The following CLYBL variants were observed in gnomAD, a reference collection of about 807,000 sequenced individuals.
CLYBL encodes citramalyl-CoA lyase.
In CLYBL, 31 loss-of-function variants were observed where a neutral mutation model predicts 38.9. The observed-to-expected ratio is 0.80, with a 90% CI of 0.60 to 1.08. CLYBL has a LOEUF of 1.08. CLYBL is among the 50% of genes least tolerant of loss of function. The pLI, the probability that CLYBL is intolerant of heterozygous loss-of-function variation, is 0.00. For synonymous variants in CLYBL, 171 were observed against 158.6 expected (o/e 1.08, Z -0.59); for missense variants, 434 against 411.6 (o/e 1.05, Z -0.47).
chr13:99,877,059 A>G (rs571629341), intron 7 of CLYBL, among the ~76,000 whole-genome samples: 2 of 152,198 alleles, frequency 1.3e-5, no homozygotes, highest in South Asian at 4.2e-4. Flanking sequence ...CCCACTTCAC[A>G]TCATTAGTTA....
intron 1 of CLYBL, among the ~76,000 whole-genome samples, chr13:99,620,048 CA>C (rs1244727686): frequency 6.6e-6 from 1 of 152,188 alleles, no homozygotes; most frequent in Admixed American, 6.5e-5. Context: ...GAAGGGGCGG[CA>C]CCCTCATGGT....
intron 2 of CLYBL, among the ~76,000 whole-genome samples, chr13:99,829,355 C>A (rs997533314): frequency 2.0e-5 from 3 of 152,188 alleles, no homozygotes; most frequent in Admixed American, 6.5e-5. Context: ...TGAAGGAACA[C>A]GTTAAGACAG....
intron 1 of CLYBL, among the ~76,000 whole-genome samples, chr13:99,614,575 C>T (rs1004798723): frequency 4.6e-5 from 7 of 152,070 alleles, no homozygotes; most frequent in Middle Eastern, 3.4e-3. Context: ...GGTGTAGCTG[C>T]GAGGGAGGTC....
chr13:99,873,364 A>G (rs1309591700), intron 7 of CLYBL, among the ~76,000 whole-genome samples: 1 of 152,234 alleles, frequency 6.6e-6, no homozygotes, highest in African/African-American at 2.4e-5. Context: ...TATTGCTTCC[A>G]ACAAACATCT....
At chr13:99,801,241 C>T (rs2050130842) in intron 2 of CLYBL, among the ~76,000 whole-genome samples, 1 of 152,202 alleles carries the variant, frequency 6.6e-6, no homozygotes, top group African/African-American at 2.4e-5. Flanking sequence ...CTTTTAAATG[C>T]AGGCTTAATG....
intron 1 of CLYBL, among the ~76,000 whole-genome samples, chr13:99,619,148 A>G (rs543877134): frequency 4.2e-4 from 64 of 152,332 alleles, no homozygotes; most frequent in Admixed American, 7.8e-4. Flanking sequence ...TTGAAACTTA[A>G]TTCCCATTGT....
chr13:99,791,946 T>TC (rs1485846107), intron 2 of CLYBL, among the ~76,000 whole-genome samples: 1 of 151,538 alleles, frequency 6.6e-6, no homozygotes, highest in African/African-American at 2.4e-5. Context: ...TTTTTAAGCT[T>TC]CCCCCCTCAA....
chr13:99,677,228 CATT>C (rs1306917061), intron 1 of CLYBL, among the ~76,000 whole-genome samples: 1 of 152,046 alleles, frequency 6.6e-6, no homozygotes, highest in Non-Finnish European at 1.5e-5. Flanking sequence ...GAATCCAGAT[CATT>C]GTTTACTTTT....
At chr13:99,613,022 GATGATAATAATAATAATAATAATA>G (rs752775568) in intron 1 of CLYBL, among the ~76,000 whole-genome samples, 4 of 136,854 alleles carry the variant, frequency 2.9e-5, no homozygotes, top group African/African-American at 8.4e-5. Flanking sequence ...TAAAAATAGT[GATGATAATAATAATAATAATAATA>G]ATAATAATAA....
intron 1 of CLYBL, among the ~76,000 whole-genome samples, chr13:99,692,899 A>G (rs1191865948): frequency 6.6e-6 from 1 of 152,124 alleles, no homozygotes; most frequent in East Asian, 1.9e-4. Flanking sequence ...TGTAGCATGC[A>G]TTAGTACTTC....
intron 1 of CLYBL, among the ~76,000 whole-genome samples, chr13:99,728,059 C>A (rs949768083): frequency 2.0e-4 from 30 of 152,110 alleles, no homozygotes; most frequent in African/African-American, 5.5e-4. Flanking sequence ...GCCTGGGCAA[C>A]AGAGCAAAAC....
At chr13:99,798,253 T>G (rs2050062260) in intron 2 of CLYBL, among the ~76,000 whole-genome samples, 1 of 152,196 alleles carries the variant, frequency 6.6e-6, no homozygotes, top group African/African-American at 2.4e-5. Flanking sequence ...TCAATTCCAT[T>G]TTTTGAAGAG....
intron 2 of CLYBL, among the ~76,000 whole-genome samples, chr13:99,818,355 G>A (rs2050501812): frequency 6.6e-6 from 1 of 151,932 alleles, no homozygotes; most frequent in African/African-American, 2.4e-5. Flanking sequence ...TCCTCGGGTT[G>A]ATTGTTAATA....
chr13:99,847,118 C>G (rs961240251), intron 2 of CLYBL, among the ~76,000 whole-genome samples: 1 of 152,120 alleles, frequency 6.6e-6, no homozygotes, highest in Non-Finnish European at 1.5e-5. Flanking sequence ...CTAAACTGCT[C>G]AGGCCAGGGA....
intron 6 of CLYBL, among the ~76,000 whole-genome samples, chr13:99,870,637 C>T (rs758416546): frequency 2.6e-5 from 4 of 152,180 alleles, no homozygotes; most frequent in Non-Finnish European, 4.4e-5. Flanking sequence ...AGTTATTCAA[C>T]AAGCTGCCTA....
At chr13:99,624,394 GT>G (rs2046840904) in intron 1 of CLYBL, among the ~76,000 whole-genome samples, 1 of 152,196 alleles carries the variant, frequency 6.6e-6, no homozygotes, top group African/African-American at 2.4e-5. Context: ...GAAAGGCAAA[GT>G]TTTTATGCAT....
chr13:99,634,121 C>G (rs573718395), intron 1 of CLYBL, among the ~76,000 whole-genome samples: 1 of 152,132 alleles, frequency 6.6e-6, no homozygotes, highest in Admixed American at 6.5e-5. Context: ...TGAAAGCTGC[C>G]TGAGAAAAAA....
chr13:99,706,570 TAGTAAGTGC>T (rs529454486), intron 1 of CLYBL, among the ~76,000 whole-genome samples: 60 of 152,308 alleles, frequency 3.9e-4, no homozygotes, highest in Non-Finnish European at 8.1e-4. Context: ...AGGTGATATG[TAGTAAGTGC>T]ACCTTTCTTG....
At chr13:99,679,649 A>G (rs1434831189) in intron 1 of CLYBL, among the ~76,000 whole-genome samples, 1 of 151,968 alleles carries the variant, frequency 6.6e-6, no homozygotes, top group Non-Finnish European at 1.5e-5. Context: ...CAAATGACAC[A>G]TCTGTCCAAA....
Sources: gnomAD v4.1 joint callset for allele counts (sites outside exome capture counted in the v4.1 genomes callset) on GRCh38, gnomAD v4.1.1 for gene constraint, MANE v1.5 for transcripts, NCBI Gene and HGNC (gene_info 2026-07-23, HGNC 2026-07-21) for gene names.